Variants in CPB2 observed in about 807,000 individuals in gnomAD.
The protein encoded by CPB2 is carboxypeptidase B-like protein.
Under a neutral mutation model 57.0 loss-of-function variants are expected in CPB2, and 54 were observed. That is an observed-to-expected ratio of 0.95 (90% CI 0.76 to 1.19). CPB2 has a LOEUF of 1.19. CPB2 is among the 50% of genes most tolerant of loss of function. CPB2 has a pLI of 0.00. For missense variants in CPB2, 426 were observed against 512.0 expected, an observed-to-expected ratio of 0.83 and a Z score of 1.62; for synonymous variants, 189 against 178.1, an observed-to-expected ratio of 1.06 and a Z score of -0.49.
intron 9 of CPB2, among the ~76,000 whole-genome samples, chr13:46,057,810 T>C (rs1428947251): frequency 1.3e-5 from 2 of 152,216 alleles, no homozygotes; most frequent in East Asian, 3.8e-4. Flanking sequence ...ATCTGTGGTG[T>C]GCTGTTGTAG....
chr13:46,084,070 T>TA (rs2045160628), intron 3 of CPB2, 149 bp downstream of exon 3: 2 of 921,898 alleles, frequency 2.2e-6, no homozygotes, highest in South Asian at 3.4e-5. Flanking sequence ...CCTTAGGCTT[T>TA]ATCACCAGTC....
chr13:46,088,013 G>A (rs868324426), intron 1 of CPB2, among the ~76,000 whole-genome samples, 193 bp from the exon 2 acceptor site: 1 of 152,170 alleles, frequency 6.6e-6, no homozygotes, highest in African/African-American at 2.4e-5. Context: ...CTAAGCAATT[G>A]CAAAATCAAC....
chr13:46,068,271 A>C (rs933922934), intron 6 of CPB2, among the ~76,000 whole-genome samples: 7 of 152,230 alleles, frequency 4.6e-5, no homozygotes, highest in Admixed American at 1.3e-4. Flanking sequence ...GACATTGTTA[A>C]GAAATGTCTT....
At chr13:46,069,962 A>G (rs1169851534) in intron 6 of CPB2, among the ~76,000 whole-genome samples, 2 of 152,230 alleles carry the variant, frequency 1.3e-5, no homozygotes, top group East Asian at 3.8e-4. Context: ...TATTTGTTGA[A>G]GGTACGATTT....
chr13:46,080,436 C>A (rs1324830108), intron 4 of CPB2, among the ~76,000 whole-genome samples: 2 of 152,186 alleles, frequency 1.3e-5, no homozygotes. Flanking sequence ...AAGCACAAGA[C>A]ATTTTCTATA....
At chr13:46,060,253 A>T (rs922683732) in intron 8 of CPB2, among the ~76,000 whole-genome samples, 35 of 152,224 alleles carry the variant, frequency 2.3e-4, no homozygotes, top group Non-Finnish European at 4.4e-4. Flanking sequence ...ACTTGAGATC[A>T]GGAGTTCGAC....
chr13:46,082,479 A>T lies in CPB2; in HGVS notation c.346T>A (p.Ser116Thr), dbSNP rs1566410404. ...ISNDTVSPRASASYYEQYHSL... is the reference protein window; with the variant it reads ...ISNDTVSPRATASYYEQYHSL... ...TGATACTGTTCATAGTACGATGCGG[A>T]GGCTCGGGGGCTGACTGTGTCGTTG... Residue 116 changes from serine (S) to threonine (T), a missense_variant, in exon 4 of 11, where the codon TCC becomes ACC. Transcript: ENST00000181383. 1 of 1,613,572 alleles carries T rather than the reference A, an allele frequency of 6.2e-7. No homozygotes were observed. Among genetic ancestry groups the T allele is most frequent in the Non-Finnish European group, 8.5e-7 (1 of 1,179,580 alleles).
Position 46,104,509 on chromosome 13 carries a change from C to G in CPB2, c.74+427G>C, listed in dbSNP as rs565201856. On this transcript the variant is annotated intron_variant, in intron 1 of 10. Transcript: ENST00000181383. ...CTAAATAATCATGCATGATCCAAAC[C>G]TCCTATTTAACACTTCACCCTCTTC... 5.9e-5 allele frequency among the ~76,000 whole-genome samples: 9 copies of G among 152,284 alleles called. No homozygotes were observed. The East Asian group carries it at 1.3e-3, about 23-fold the overall frequency.
At position 46,058,324 on chromosome 13, in the gene CPB2, G is replaced by T; in HGVS notation, c.854C>A (p.Ser285Ter). 1 of 1,614,098 alleles carries T rather than the reference G, an allele frequency of 6.2e-7. No individual in the cohort carries two copies. The highest frequency in any genetic ancestry group is 1.1e-5 in the South Asian group (1 of 91,074). ...SETYCGLYPE[S>*]EPEVKAVASF... ...AGCCACTGCCTTCACTTCTGGTTCT[G>T]ACTCAGGATAAAGTCCACAGTAGGT... The change falls in exon 9 of 11, where the codon TCA becomes TAA. Residue 285 changes from serine (S) to a stop codon, truncating the protein, a stop_gained. Coordinates refer to ENST00000181383, the MANE Select transcript of CPB2 (RefSeq NM_001872.5). LOFTEE classifies it high-confidence loss of function.
chr13:46,076,508 C>T (rs1397173297), intron 5 of CPB2, among the ~76,000 whole-genome samples: 1 of 151,896 alleles, frequency 6.6e-6, no homozygotes, highest in Admixed American at 6.6e-5. Context: ...TGAAAAGATA[C>T]CTCATGCTCA....
intron 10 of CPB2, among the ~76,000 whole-genome samples, chr13:46,055,382 T>C (rs2139340289): frequency 6.6e-6 from 1 of 152,316 alleles, no homozygotes; most frequent in Middle Eastern, 3.4e-3. Flanking sequence ...AAAAAACACT[T>C]GATGCAAATG....
intron 4 of CPB2, among the ~76,000 whole-genome samples, chr13:46,080,989 A>T (rs928932030): frequency 6.7e-6 from 1 of 150,304 alleles, no homozygotes; most frequent in Non-Finnish European, 1.5e-5. Context: ...AAAAAAAAAA[A>T]AGGAAAGAAA....
rs1419904816 is a variant in CPB2 at position 46,073,990 on chromosome 13, A to T, written c.487-13T>A. ...CTTTTCCAGAAACCTGCTCAAAGAA[A>T]CCCCAAAAGTAGCAAAAACAGTAAC... On this transcript the variant is annotated splice_polypyrimidine_tract_variant and intron_variant, in intron 5 of 10. Coordinates refer to ENST00000181383, the MANE Select transcript of CPB2 (RefSeq NM_001872.5). The T allele has an allele frequency of 6.5e-7, 1 of 1,536,316 alleles. No individual in the cohort carries two copies. The highest frequency in any genetic ancestry group is 9.0e-7 in the Non-Finnish European group (1 of 1,116,916).
chr13:46,076,800 C>T (rs2045028868), intron 5 of CPB2, among the ~76,000 whole-genome samples: 1 of 152,054 alleles, frequency 6.6e-6, no homozygotes, highest in African/African-American at 2.4e-5. Flanking sequence ...ACAGTTAACT[C>T]ATTTTCAACA....
chr13:46,066,080 T>A (rs2044849635), intron 7 of CPB2, among the ~76,000 whole-genome samples: 1 of 152,240 alleles, frequency 6.6e-6, no homozygotes, highest in African/African-American at 2.4e-5. Flanking sequence ...CAATCTCCTG[T>A]GCCATTTCCA....
At chr13:46,104,292 G>A (rs1268175376) in intron 1 of CPB2, among the ~76,000 whole-genome samples, 3 of 152,174 alleles carry the variant, frequency 2.0e-5, no homozygotes, top group Non-Finnish European at 4.4e-5. Flanking sequence ...ATGTTTTAAA[G>A]CCTAAAAATT....
chr13:46,072,613 A>G (rs559727878), intron 6 of CPB2, among the ~76,000 whole-genome samples: 1 of 152,270 alleles, frequency 6.6e-6, no homozygotes, highest in South Asian at 2.1e-4. Context: ...TAATCTTACA[A>G]AGATTCAGCA....
At chr13:46,066,499 A>G (rs576336912) in intron 7 of CPB2, among the ~76,000 whole-genome samples, 1 of 152,314 alleles carries the variant, frequency 6.6e-6, no homozygotes, top group South Asian at 2.1e-4. Context: ...ATATAAACCA[A>G]TCATAATGTA....
rs570710620 is a variant in CPB2 at position 46,067,381 on chromosome 13, T to C, written c.628A>G (p.Asn210Asp). Residue 210 changes from asparagine to aspartate, a missense_variant, in exon 7 of 11, where the codon AAT (asparagine) becomes GAT (aspartate). Physicochemically the swap from Asn to Asp is conservative, Grantham distance 23 (BLOSUM62 1). Transcript: ENST00000181383. ...QFYGIIGQYT[N>D]LLRLVDFYVM... Reference sequence around the variant, plus strand: ...TAGAAATCCACAAGCCTCAGGAGATTGGTATATTGCCCTATTATCCCATAG... The same window carrying C: ...TAGAAATCCACAAGCCTCAGGAGATCGGTATATTGCCCTATTATCCCATAG... 2.5e-5 allele frequency: 40 copies of C among 1,592,074 alleles called. No homozygotes were observed. In the South Asian group the frequency reaches 4.0e-4, roughly 16 times the overall value.
Sources: allele counts gnomAD v4.1 joint callset (sites outside exome capture counted in the v4.1 genomes callset), GRCh38; gene constraint gnomAD v4.1.1; transcripts MANE v1.5; gene names NCBI Gene and HGNC (gene_info 2026-07-23, HGNC 2026-07-21).